The following PPP4R4 variants were observed in gnomAD, a reference collection of about 807,000 sequenced individuals.
The protein encoded by PPP4R4 is serine/threonine-protein phosphatase 4 regulatory subunit 4.
A neutral mutation model predicts 121.8 loss-of-function variants in PPP4R4; 70 were observed. That is an observed-to-expected ratio of 0.57 (90% confidence interval 0.47 to 0.70). The LOEUF is 0.70. Ranked by LOEUF, PPP4R4 falls within the 30% of genes least tolerant of loss-of-function variation. The pLI, the probability that PPP4R4 is intolerant of heterozygous loss-of-function variation, is 0.00. For missense variants in PPP4R4, 875 were observed against 1,033.6 expected (o/e 0.85, Z 2.10); for synonymous variants, 348 against 355.7 (o/e 0.98, Z 0.24).
chr14:94,254,133 A>G (rs1328847121), intron 16 of PPP4R4, among the ~76,000 whole-genome samples: 1 of 152,214 alleles, frequency 6.6e-6, no homozygotes, highest in East Asian at 1.9e-4. Flanking sequence ...TGTGGTCCCT[A>G]ATCTCAAGAA....
intron 5 of PPP4R4, 126 bp downstream of exon 5, chr14:94,231,441 C>A: frequency 1.5e-6 from 1 of 652,616 alleles, no homozygotes; most frequent in Non-Finnish European, 2.6e-6. Context: ...AACACGTGCA[C>A]ATTGGAGGAA....
At chr14:94,191,407 G>A (rs532367633) in intron 2 of PPP4R4, among the ~76,000 whole-genome samples, 3 of 152,252 alleles carry the variant, frequency 2.0e-5, no homozygotes, top group African/African-American at 4.8e-5. Context: ...GGGATACAGA[G>A]CATATTTCAA....
chr14:94,215,467 A>G (rs908149037), intron 3 of PPP4R4, among the ~76,000 whole-genome samples: 3 of 152,208 alleles, frequency 2.0e-5, no homozygotes, highest in African/African-American at 7.2e-5. Flanking sequence ...TAAGCAGATC[A>G]TGATGTTCCA....
At chr14:94,220,604 C>A (rs577211715) in intron 3 of PPP4R4, among the ~76,000 whole-genome samples, 4 of 152,002 alleles carry the variant, frequency 2.6e-5, no homozygotes, top group Non-Finnish European at 5.9e-5. Context: ...CAGCAACCAA[C>A]AATTGGAAAC....
chr14:94,269,401 C>G (rs755293774), intron 23 of PPP4R4, among the ~76,000 whole-genome samples: 2 of 151,956 alleles, frequency 1.3e-5, no homozygotes, highest in Non-Finnish European at 2.9e-5. Flanking sequence ...GGAGGCCGGG[C>G]GCTGTGGCTC....
rs193161523 is a variant in PPP4R4, at chr14:94,265,384, T to A, written c.2198-3T>A. The A allele has an allele frequency of 4.1e-5, 65 of 1,599,908 alleles. No homozygotes were observed. The East Asian group carries it at 1.4e-3, about 35-fold the overall frequency. Reference sequence around the variant, plus strand: ...ATACAACTTAAAGCAGAATTTATTTTAGGTAGAGACACTAAGACACCAACG... The same window carrying A: ...ATACAACTTAAAGCAGAATTTATTTAAGGTAGAGACACTAAGACACCAACG... On this transcript the variant is annotated splice_region_variant and splice_polypyrimidine_tract_variant and intron_variant, in intron 20 of 24. Transcript: ENST00000304338.
intron 19 of PPP4R4, 34 bp downstream of exon 19, chr14:94,259,403 T>C (rs1431387446): frequency 6.6e-7 from 1 of 1,504,454 alleles, no homozygotes; most frequent in Non-Finnish European, 8.9e-7. Flanking sequence ...ACATATACTC[T>C]TTTCTGATTA....
Position 94,174,390 on chromosome 14 carries a change from T to C in PPP4R4, c.-76T>C. 7.9e-7 allele frequency: 1 copy of C among 1,266,536 alleles called. No homozygotes were observed. The highest frequency in any genetic ancestry group is 1.0e-6 in the Non-Finnish European group (1 of 990,414). 78.5% of individuals were successfully genotyped at this position (1,266,536 alleles called of 1,614,324 possible). ...CAAGAGCCGGAGAAAGTCCTGCTGG[T>C]GGGCGGCCGCGGGGCTGAGGGCGTC... is the stretch of plus-strand genomic sequence containing the variant. On this transcript the variant is annotated 5_prime_UTR_variant, in exon 1 of 25. Transcript: ENST00000304338.
chr14:94,256,635 T>A, intron 17 of PPP4R4, 31 bp downstream of exon 17: 1 of 1,546,860 alleles, frequency 6.5e-7, no homozygotes, highest in East Asian at 2.3e-5. Context: ...AATGTTGCAT[T>A]TTTTGCATTA....
chr14:94,250,232 C>A lies in PPP4R4; in HGVS notation c.1672C>A (p.Arg558Ser). The A allele has an allele frequency of 6.2e-7, 1 of 1,611,870 alleles. No individual in the cohort carries two copies. The highest frequency in any genetic ancestry group is 2.2e-5 in the East Asian group (1 of 44,810). Residue 558 changes from arginine to serine, a missense_variant, in exon 15 of 25, where the codon CGT (arginine) becomes AGT (serine). Transcript: ENST00000304338. Reference sequence around the variant, plus strand: ...TCTATGCATTTTTCTGCGTTATAATCGTAAACAAGAACAGAGACATGAGGT... The same window carrying A: ...TCTATGCATTTTTCTGCGTTATAATAGTAAACAAGAACAGAGACATGAGGT... The part of the protein sequence containing the change: ...RTLCIFLRYN[R>S]KQEQRHEVIQ...
At position 94,278,377 on chromosome 14, in the gene PPP4R4, T is replaced by C. The variant is rs537278333; in HGVS notation, c.2598-242T>C. Among the ~76,000 whole-genome samples, 11 of 152,316 alleles carry C rather than the reference T, an allele frequency of 7.2e-5. No individual in the cohort carries two copies. The East Asian group carries it at 2.1e-3, about 29-fold the overall frequency. ...GAATTAAATTGAATGCTATGTTATA[T>C]ATATACACAGAATTTTTGGTAATTA... On this transcript the variant is annotated intron_variant, in intron 24 of 24. Coordinates refer to ENST00000304338, the MANE Select transcript of PPP4R4 (RefSeq NM_058237.2).
At chr14:94,179,529 C>A (rs976470712) in intron 2 of PPP4R4, among the ~76,000 whole-genome samples, 6 of 152,184 alleles carry the variant, frequency 3.9e-5, no homozygotes, top group African/African-American at 1.4e-4. Context: ...GTCATGCTGG[C>A]CTTTTCACTG....
chr14:94,269,662 A>T (rs1219749394), intron 23 of PPP4R4, among the ~76,000 whole-genome samples: 1 of 151,732 alleles, frequency 6.6e-6, no homozygotes, highest in Non-Finnish European at 1.5e-5. Context: ...CTCCAGAAAA[A>T]AAAAAAACAA....
At chr14:94,248,200 A>G (rs954162134) in intron 14 of PPP4R4, among the ~76,000 whole-genome samples, 9 of 152,192 alleles carry the variant, frequency 5.9e-5, no homozygotes, top group Non-Finnish European at 1.0e-4. Flanking sequence ...GACCTGATAA[A>G]CCACTGCAGT....
In PPP4R4 at chr14:94,245,663, A is replaced by G; in HGVS notation, c.1421A>G (p.Glu474Gly). The change falls in exon 13 of 25, where the codon GAA becomes GGA. Residue 474 changes from glutamate (E) to glycine (G), a missense_variant. Coordinates refer to ENST00000304338, the MANE Select transcript of PPP4R4 (RefSeq NM_058237.2). ...ACTGGTGGAGAAAGCAGTGTTCAAG[A>G]AAATAAGGTAAACTTCATCTTTCAG... The part of the protein sequence containing the change: ...MSTGGESSVQ[E>G]NKLSSLPDLI... 6.3e-7 allele frequency: 1 copy of G among 1,579,952 alleles called. No individual in the cohort carries two copies. The highest frequency in any genetic ancestry group is 8.7e-7 in the Non-Finnish European group (1 of 1,152,660).
chr14:94,193,978 A>T (rs1457511689), intron 2 of PPP4R4, among the ~76,000 whole-genome samples: 1 of 152,224 alleles, frequency 6.6e-6, no homozygotes, highest in South Asian at 2.1e-4. Context: ...ACTCACCTGA[A>T]TGAAAAAGTT....
chr14:94,252,043 G>A (rs905502214), intron 16 of PPP4R4, 147 bp downstream of exon 16: 14 of 626,496 alleles, frequency 2.2e-5, no homozygotes, highest in South Asian at 1.5e-4. Context: ...CATAATTGAT[G>A]GGCATCAGTA....
rs1892177700 is a variant in PPP4R4, at chr14:94,233,691, A to G, written c.555A>G (p.Gln185=). The G allele has an allele frequency of 6.2e-7, 1 of 1,605,126 alleles. No homozygotes were observed. Among genetic ancestry groups the G allele is most frequent in the Middle Eastern group, 1.7e-4 (1 of 6,050 alleles). Residue 185 remains glutamine, a synonymous_variant, in exon 6 of 25, where the codon CAA becomes CAG. Transcript: ENST00000304338. ...NPLVSKAQLS[Q]TVQSRLVSCK... is the part of the protein sequence containing the mutation. ...TTGTTTCCAAGGCACAACTTTCCCA[A>G]ACAGTCCAGTCTCGTTTAGTTAGTT...
chr14:94,237,458 T>A, intron 7 of PPP4R4, 107 bp from the exon 8 acceptor site: 2 of 1,038,940 alleles, frequency 1.9e-6, no homozygotes, highest in South Asian at 3.2e-5. Context: ...AGTATCTTTA[T>A]GATTTTTCAT....
Sources: allele counts gnomAD v4.1 joint callset (sites outside exome capture counted in the v4.1 genomes callset), GRCh38; gene constraint gnomAD v4.1.1; transcripts MANE v1.5; gene names NCBI Gene and HGNC (gene_info 2026-07-23, HGNC 2026-07-21).